The following FMN1 variants were observed in gnomAD, a reference collection of about 807,000 sequenced individuals.
FMN1 encodes the protein formin 1, also known as formin-1.
A neutral mutation model predicts 132.4 loss-of-function variants in FMN1; 110 were observed. The ratio of observed to expected loss-of-function variants is 0.83; its 90% CI spans 0.71 to 0.97. The LOEUF (loss-of-function observed/expected upper bound fraction) is 0.97. Among genes scored for constraint, FMN1 ranks in the 50% least tolerant of loss-of-function variants. The pLI is 0.00. For synonymous variants in FMN1, 722 were observed against 651.7 expected (o/e 1.11, Z -1.64); for missense variants, 1,792 against 1,705.3 (o/e 1.05, Z -0.90).
chr15:33,123,261 C>T (rs1962735964), intron 4 of FMN1, among the ~76,000 whole-genome samples: 2 of 152,150 alleles, frequency 1.3e-5, no homozygotes, highest in East Asian at 3.9e-4. Context: ...CACTCTGCTG[C>T]TTAATCTTTC....
intron 19 of FMN1, among the ~76,000 whole-genome samples, chr15:32,791,699 A>G (rs1327681167): frequency 6.6e-6 from 1 of 152,220 alleles, no homozygotes; most frequent in Non-Finnish European, 1.5e-5. Context: ...GGGCAAAACT[A>G]TAAAGAGTCA....
rs1480778126 is a variant in FMN1 at position 32,770,192 on chromosome 15, G to A, written c.*4118C>T. 2 of 152,056 alleles carry A rather than the reference G, an allele frequency of 1.3e-5. No homozygotes were observed. Among genetic ancestry groups the A allele is most frequent in the African/African-American group, 2.4e-5 (1 of 41,368 alleles). The allele number at this position is 152,056 out of a possible 1,614,324, so 9.4% of individuals were successfully genotyped here. ...ATGTCAGGGAATGAAGAGGTTCCCC[G>A]GTCAATGTTACAGCCTGGTTCCTGG... is the stretch of plus-strand genomic sequence containing the variant. On this transcript the variant is annotated 3_prime_UTR_variant, in exon 21 of 21. Coordinates refer to ENST00000616417, the MANE Select transcript of FMN1 (RefSeq NM_001277313.2).
chr15:33,067,184 TG>T, intron 5 of FMN1: 4 of 1,613,844 alleles, frequency 2.5e-6, no homozygotes, highest in Non-Finnish European at 3.4e-6. Flanking sequence ...TTCTCCCACC[TG>T]GTCCTGGCTG....
intron 15 of FMN1, among the ~76,000 whole-genome samples, chr15:32,893,846 C>T (rs2060089828): frequency 6.6e-6 from 1 of 152,230 alleles, no homozygotes. Flanking sequence ...ATTCCACAGG[C>T]ATATTTCAGC....
chr15:33,184,178 G>C (rs189701451), intron 2 of FMN1, among the ~76,000 whole-genome samples: 148 of 152,272 alleles, frequency 9.7e-4, no homozygotes, highest in African/African-American at 3.2e-3. Context: ...TAGATTCATA[G>C]AGAGACAGAC....
At chr15:33,191,925 T>A (rs1342429999) in intron 2 of FMN1, among the ~76,000 whole-genome samples, 1 of 152,170 alleles carries the variant, frequency 6.6e-6, no homozygotes, top group African/African-American at 2.4e-5. Context: ...TGGGACCTGT[T>A]GAGAATTAAG....
At chr15:32,916,204 A>G (rs2060679669) in intron 10 of FMN1, among the ~76,000 whole-genome samples, 1 of 152,210 alleles carries the variant, frequency 6.6e-6, no homozygotes, top group Admixed American at 6.5e-5. Context: ...GGTCTCATAC[A>G]ACAGGGAAAA....
rs149674653 is a variant in FMN1 at position 32,948,672 on chromosome 15, G to C, written c.3138+15435C>G. On this transcript the variant is annotated intron_variant, in intron 9 of 20. Coordinates refer to ENST00000616417, the MANE Select transcript of FMN1 (RefSeq NM_001277313.2). ...TTGGCAAAAATTTGTTCATGGTATT[G>C]TATTATACATTTCTATTGCATCTGT... Among the ~76,000 whole-genome samples, 1,099 of 151,818 alleles carry C rather than the reference G, an allele frequency of 7.2e-3. 6 individuals carry two copies. The highest frequency in any genetic ancestry group is 0.017 in the Middle Eastern group (5 of 294).
intron 9 of FMN1, among the ~76,000 whole-genome samples, chr15:32,949,256 C>G (rs1216547093): frequency 1.3e-5 from 2 of 152,016 alleles, no homozygotes; most frequent in Admixed American, 6.6e-5. Flanking sequence ...GCAAAAAGAA[C>G]AAAGCTGGAG....
At chr15:33,133,025 C>G (rs148087326) in intron 4 of FMN1, among the ~76,000 whole-genome samples, 5 of 152,292 alleles carry the variant, frequency 3.3e-5, no homozygotes, top group African/African-American at 1.2e-4. Context: ...AAAACCCAGG[C>G]CTACAGAAGT....
intron 6 of FMN1, among the ~76,000 whole-genome samples, chr15:33,032,614 G>A (rs964322002): frequency 3.3e-5 from 5 of 152,192 alleles, no homozygotes; most frequent in African/African-American, 4.8e-5. Context: ...CATCTCTGGT[G>A]TTATTTGCAC....
chr15:32,895,334 G>GA (rs2060127792), intron 15 of FMN1, among the ~76,000 whole-genome samples: 1 of 147,684 alleles, frequency 6.8e-6, no homozygotes, highest in Non-Finnish European at 1.5e-5. Flanking sequence ...AAAAATGTGG[G>GA]AAAAAAGGGA....
intron 4 of FMN1, among the ~76,000 whole-genome samples, chr15:33,092,506 T>C (rs1327912490): frequency 2.0e-5 from 3 of 152,242 alleles, no homozygotes; most frequent in Admixed American, 1.3e-4. Context: ...AGACGCACGG[T>C]GTGTTTTCAT....
At chr15:32,955,833 G>A (rs576635987) in intron 9 of FMN1, among the ~76,000 whole-genome samples, 10 of 152,136 alleles carry the variant, frequency 6.6e-5, no homozygotes, top group Middle Eastern at 3.4e-3. Flanking sequence ...GTGTGCGTGC[G>A]CGCACGTGTC....
In FMN1 at chr15:33,120,444, G is replaced by A. The variant is rs924880803; in HGVS notation, c.1868-31470C>T. 4.6e-5 allele frequency among the ~76,000 whole-genome samples: 7 copies of A among 152,198 alleles called. No individual in the cohort carries two copies. In the South Asian group the frequency reaches 1.0e-3, roughly 23 times the overall value. Reference sequence around the variant, plus strand: ...TGCACTTTTCCTACACACCGGCAGGGAAGACATGTTCAAAGTTAGCCATCT... The same window carrying A: ...TGCACTTTTCCTACACACCGGCAGGAAAGACATGTTCAAAGTTAGCCATCT... On this transcript the variant is annotated intron_variant, in intron 4 of 20. Transcript: ENST00000616417.
At chr15:32,976,323 G>T (rs1567494340) in intron 7 of FMN1, among the ~76,000 whole-genome samples, 1 of 152,126 alleles carries the variant, frequency 6.6e-6, no homozygotes, top group East Asian at 1.9e-4. Context: ...AGCACAAAAT[G>T]CCTCGAAGGA....
At chr15:32,952,211 C>T (rs2061669585) in intron 9 of FMN1, among the ~76,000 whole-genome samples, 1 of 152,174 alleles carries the variant, frequency 6.6e-6, no homozygotes, top group African/African-American at 2.4e-5. Flanking sequence ...CATGGCCAAG[C>T]CTCTCCAATG....
At chr15:32,961,779 C>T (rs969473776) in intron 9 of FMN1, among the ~76,000 whole-genome samples, 1 of 152,168 alleles carries the variant, frequency 6.6e-6, no homozygotes, top group Non-Finnish European at 1.5e-5. Context: ...GGGACCCAGA[C>T]ACAGAGAGTG....
At chr15:33,118,021 G>A (rs1212982217) in intron 4 of FMN1, among the ~76,000 whole-genome samples, 1 of 152,170 alleles carries the variant, frequency 6.6e-6, no homozygotes, top group Non-Finnish European at 1.5e-5. Context: ...TAATGATATA[G>A]TGTGTTGTGA....
Sources: allele counts gnomAD v4.1 joint callset (sites outside exome capture counted in the v4.1 genomes callset), GRCh38; gene constraint gnomAD v4.1.1; transcripts MANE v1.5; gene names NCBI Gene and HGNC (gene_info 2026-07-23, HGNC 2026-07-21).